FRMPD4: variants seen among roughly 807,000 people sequenced by gnomAD.
FRMPD4 encodes the protein FERM and PDZ domain-containing protein 4.
Under a neutral mutation model 94.1 loss-of-function variants are expected in FRMPD4, and 22 were observed. The observed-to-expected ratio is 0.23, with a 90% CI of 0.17 to 0.33. The LOEUF (loss-of-function observed/expected upper bound fraction) is 0.33. Among genes scored for constraint, FRMPD4 ranks in the 10% least tolerant of loss-of-function variants. The pLI is 1.00. For synonymous variants in FRMPD4, 631 were observed against 548.6 expected (o/e 1.15, Z -2.10); for missense variants, 1,111 against 1,339.9 (o/e 0.83, Z 2.67).
chrX:11,956,222 C>T (rs1274627423), intron 3 of FRMPD4, among the ~76,000 whole-genome samples: 2 of 111,837 alleles, frequency 1.8e-5, no homozygotes, highest in African/African-American at 3.2e-5. Context: ...ATCCTCAAGC[C>T]GACCCAGCTC....
intron 3 of FRMPD4, among the ~76,000 whole-genome samples, chrX:11,967,009 C>G (rs1324435384): frequency 8.9e-6 from 1 of 112,087 alleles, no homozygotes; most frequent in African/African-American, 3.2e-5. Context: ...AGTTTTAATC[C>G]TTTATCTAGG....
chrX:12,071,201 C>T (rs779798777), intron 3 of FRMPD4, among the ~76,000 whole-genome samples: 9 of 110,551 alleles, frequency 8.1e-5, no homozygotes, highest in Non-Finnish European at 1.1e-4. Context: ...CTTCGTCATT[C>T]CTAGCTTGCC....
intron 1 of FRMPD4, among the ~76,000 whole-genome samples, chrX:12,475,339 A>G (rs1186903447): frequency 2.7e-5 from 3 of 111,976 alleles, no homozygotes; most frequent in African/African-American, 6.5e-5. Context: ...ATCTATGACA[A>G]ACCCACAGCC....
At chrX:12,513,164 A>G (rs1225424238) in intron 2 of FRMPD4, among the ~76,000 whole-genome samples, 3 of 111,730 alleles carry the variant, frequency 2.7e-5, no homozygotes, top group Non-Finnish European at 3.8e-5. Flanking sequence ...CATTCTATAT[A>G]TTGTATGTTC....
chrX:12,316,404 C>T (rs748003904), intron 1 of FRMPD4, among the ~76,000 whole-genome samples: 26 of 111,179 alleles, frequency 2.3e-4, no homozygotes, highest in African/African-American at 7.8e-4. Flanking sequence ...CCACCCGCCT[C>T]GGCCTCCCAA....
At chrX:12,227,896 AGTGTAGGGGT>A (rs2056941090) in intron 1 of FRMPD4, among the ~76,000 whole-genome samples, 1 of 109,618 alleles carries the variant, frequency 9.1e-6, no homozygotes, top group Non-Finnish European at 1.9e-5. Flanking sequence ...ATTTCTGTGG[AGTGTAGGGGT>A]GTGTATGTGT....
chrX:12,716,002 C>CT, intron 14 of FRMPD4, 67 bp from the exon 15 acceptor site: 1 of 162,720 alleles, frequency 6.1e-6, no homozygotes, highest in South Asian at 1.4e-4. Context: ...AGACGAGCCT[C>CT]CCACCCCCGC....
At chrX:12,691,261 T>TTTG (rs764854288) in intron 8 of FRMPD4, among the ~76,000 whole-genome samples, 1 of 110,967 alleles carries the variant, frequency 9.0e-6, no homozygotes, top group Non-Finnish European at 1.9e-5. Context: ...TGGGGTTTTT[T>TTTG]TTGTTGTTGT....
At chrX:12,328,847 C>T in intron 1 of FRMPD4, among the ~76,000 whole-genome samples, 1 of 111,742 alleles carries the variant, frequency 8.9e-6, no homozygotes. Context: ...AGGGCTTATA[C>T]AGTTCAGGTA....
chrX:12,520,252 T>G (rs1442042031), intron 2 of FRMPD4, among the ~76,000 whole-genome samples: 1 of 112,062 alleles, frequency 8.9e-6, no homozygotes, highest in Non-Finnish European at 1.9e-5. Context: ...GATGACATTA[T>G]GCTAAGTAAA....
chrX:12,048,334 G>A (rs1337643796), intron 3 of FRMPD4, among the ~76,000 whole-genome samples: 1 of 111,065 alleles, frequency 9.0e-6, no homozygotes, highest in Non-Finnish European at 1.9e-5. Flanking sequence ...TTTTGCCCAC[G>A]TTTTTGTTTT....
intron 2 of FRMPD4, among the ~76,000 whole-genome samples, chrX:12,505,668 G>A (rs1007880158): frequency 8.6e-5 from 9 of 104,457 alleles, no homozygotes; most frequent in Non-Finnish European, 9.8e-5. Flanking sequence ...CAGAGGTTGC[G>A]GTGAGCCAAG....
intron 2 of FRMPD4, among the ~76,000 whole-genome samples, chrX:12,504,625 C>T (rs1311336341): frequency 7.1e-5 from 8 of 112,313 alleles, no homozygotes; most frequent in Non-Finnish European, 1.3e-4. Flanking sequence ...TGACAAAGCA[C>T]CTATCTGCTG....
At chrX:12,252,205 G>C (rs1330885221) in intron 1 of FRMPD4, among the ~76,000 whole-genome samples, 1 of 111,150 alleles carries the variant, frequency 9.0e-6, no homozygotes, top group Non-Finnish European at 1.9e-5. Context: ...GCTTGTTGTG[G>C]TCTGTGATGA....
chrX:12,631,184 C>G (rs751250851), intron 4 of FRMPD4, among the ~76,000 whole-genome samples: 22 of 111,545 alleles, frequency 2.0e-4, no homozygotes, highest in Admixed American at 3.8e-4. Flanking sequence ...TGCACCCAGG[C>G]AGTGCAGGGA....
chrX:11,857,993 A>T (rs977710552), intron 1 of FRMPD4, among the ~76,000 whole-genome samples: 14 of 112,049 alleles, frequency 1.2e-4, no homozygotes, highest in East Asian at 5.6e-4. Context: ...GCAAATCAAA[A>T]CCACAATGAG....
intron 1 of FRMPD4, among the ~76,000 whole-genome samples, chrX:12,175,973 T>C (rs1484134026): frequency 8.9e-6 from 1 of 112,288 alleles, no homozygotes; most frequent in Non-Finnish European, 1.9e-5. Flanking sequence ...GGTGATGTGC[T>C]GGTAATGGTT....
At chrX:12,414,826 A>AT (rs1428385971) in intron 1 of FRMPD4, among the ~76,000 whole-genome samples, 1 of 111,992 alleles carries the variant, frequency 8.9e-6, no homozygotes, top group African/African-American at 3.2e-5. Context: ...AGATTAAGTC[A>AT]TTTTCCCAAG....
intron 2 of FRMPD4, among the ~76,000 whole-genome samples, chrX:12,532,234 G>A (rs2058293104): frequency 8.9e-6 from 1 of 112,098 alleles, no homozygotes; most frequent in African/African-American, 3.2e-5. Flanking sequence ...CATTTTAGCA[G>A]CTGTAAAATA....
Sources: allele counts gnomAD v4.1 joint callset (sites outside exome capture counted in the v4.1 genomes callset), GRCh38; gene constraint gnomAD v4.1.1; transcripts MANE v1.5; gene names NCBI Gene and HGNC (gene_info 2026-07-23, HGNC 2026-07-21).